GRM8: variants seen among roughly 807,000 people sequenced by gnomAD.
The protein encoded by GRM8 is metabotropic glutamate receptor 8.
In GRM8, 47 loss-of-function variants were observed where a neutral mutation model predicts 87.2. That is an observed-to-expected ratio of 0.54 (90% CI 0.43 to 0.69). GRM8 has a LOEUF of 0.69. Ranked by LOEUF, GRM8 falls within the 30% of genes least tolerant of loss-of-function variation. The probability of loss-of-function intolerance (pLI) is 0.00; values close to 1 mark genes in which losing one functional copy is unlikely to be tolerated. For missense variants in GRM8, 1,019 were observed against 1,139.2 expected, an observed-to-expected ratio of 0.89 and a Z score of 1.52; for synonymous variants, 396 against 404.5, an observed-to-expected ratio of 0.98 and a Z score of 0.25.
At chr7:126,528,013 G>A (rs1330477600) in intron 9 of GRM8, among the ~76,000 whole-genome samples, 2 of 152,144 alleles carry the variant, frequency 1.3e-5, no homozygotes, top group African/African-American at 4.8e-5. Flanking sequence ...AGACCATCCT[G>A]GCCAACATGG....
intron 3 of GRM8, among the ~76,000 whole-genome samples, chr7:127,009,764 T>C (rs550016062): frequency 1.8e-4 from 28 of 152,140 alleles, no homozygotes; most frequent in Non-Finnish European, 3.4e-4. Context: ...TGATCCAGTA[T>C]AGAAAGAAGT....
At chr7:127,020,391 A>G (rs1266727533) in intron 3 of GRM8, among the ~76,000 whole-genome samples, 2 of 151,954 alleles carry the variant, frequency 1.3e-5, no homozygotes, top group Non-Finnish European at 2.9e-5. Flanking sequence ...ACAGCTGTCC[A>G]TCTCCCTCAC....
chr7:126,598,520 T>A (rs1280146742), intron 8 of GRM8, among the ~76,000 whole-genome samples: 2 of 152,172 alleles, frequency 1.3e-5, no homozygotes, highest in Non-Finnish European at 2.9e-5. Context: ...TAACACCCTT[T>A]ATTCCTTCTT....
chr7:126,906,036 C>T (rs1802640355), intron 3 of GRM8, among the ~76,000 whole-genome samples: 1 of 152,148 alleles, frequency 6.6e-6, no homozygotes, highest in Non-Finnish European at 1.5e-5. Context: ...TATGTTAAAA[C>T]TTAATCCCCA....
intron 8 of GRM8, among the ~76,000 whole-genome samples, chr7:126,590,346 A>G (rs1222319561): frequency 6.6e-6 from 1 of 151,920 alleles, no homozygotes; most frequent in Non-Finnish European, 1.5e-5. Flanking sequence ...AAAAGAATTT[A>G]AAAAAATGAA....
chr7:126,728,779 G>C (rs1390665069), intron 7 of GRM8, among the ~76,000 whole-genome samples: 1 of 152,088 alleles, frequency 6.6e-6, no homozygotes, highest in African/African-American at 2.4e-5. Flanking sequence ...ATGGTCCAGG[G>C]GAGGCTTCCT....
rs143451938 is a variant in GRM8 at position 126,838,492 on chromosome 7, C to T, written c.1156+64050G>A. On this transcript the variant is annotated intron_variant, in intron 6 of 10. Transcript: ENST00000339582. ...AGACATTAAAGAAGTGATTCATAACCTTCCCCACCTACTATTCTTTATCAA... is the reference window on the plus strand; with the variant it reads ...AGACATTAAAGAAGTGATTCATAACTTTCCCCACCTACTATTCTTTATCAA... Among the ~76,000 whole-genome samples the T allele has an allele frequency of 1.1e-4, 17 of 152,312 alleles. No individual in the cohort carries two copies. The South Asian group carries it at 2.5e-3, about 22-fold the overall frequency.
chr7:127,096,681 G>C (rs912096894), intron 3 of GRM8, among the ~76,000 whole-genome samples: 2 of 151,996 alleles, frequency 1.3e-5, no homozygotes. Context: ...GAATAAATTG[G>C]GGCACAACAT....
At chr7:126,510,621 C>T (rs1003763280) in intron 9 of GRM8, among the ~76,000 whole-genome samples, 19 of 152,354 alleles carry the variant, frequency 1.2e-4, no homozygotes, top group Middle Eastern at 3.4e-3. Flanking sequence ...TTGATTGCCA[C>T]GTGGAAGAGG....
intron 8 of GRM8, among the ~76,000 whole-genome samples, chr7:126,589,309 C>T (rs772320530): frequency 1.3e-5 from 2 of 152,124 alleles, no homozygotes; most frequent in African/African-American, 4.8e-5. Flanking sequence ...TGAGACTGGC[C>T]TTTTGGATTG....
intron 7 of GRM8, among the ~76,000 whole-genome samples, chr7:126,660,824 A>AT (rs1446006546): frequency 1.3e-5 from 2 of 152,236 alleles, no homozygotes; most frequent in Non-Finnish European, 2.9e-5. Context: ...ACCTTTAAAT[A>AT]TTTTTTGGGA....
intron 3 of GRM8, among the ~76,000 whole-genome samples, chr7:127,015,001 A>AAGAAG (rs1265203751): frequency 2.7e-4 from 16 of 59,654 alleles, no homozygotes; most frequent in African/African-American, 8.4e-4. Flanking sequence ...GAAGAAGAAG[A>AAGAAG]AAGAAGAAGA....
At chr7:126,955,775 G>T (rs962857650) in intron 3 of GRM8, among the ~76,000 whole-genome samples, 1 of 152,048 alleles carries the variant, frequency 6.6e-6, no homozygotes, top group Non-Finnish European at 1.5e-5. Context: ...TTACAGTGCT[G>T]CTTAATTGTA....
At chr7:127,194,901 G>A (rs998427923) in intron 2 of GRM8, among the ~76,000 whole-genome samples, 3 of 152,166 alleles carry the variant, frequency 2.0e-5, no homozygotes, top group African/African-American at 7.2e-5. Flanking sequence ...ACAAACAGGT[G>A]TCTAAATCCC....
At chr7:126,478,024 T>A (rs893728031) in intron 9 of GRM8, among the ~76,000 whole-genome samples, 9 of 152,128 alleles carry the variant, frequency 5.9e-5, no homozygotes, top group Non-Finnish European at 1.3e-4. Context: ...TCTCTTCTAC[T>A]CTAAGGACAC....
chr7:127,086,544 C>T (rs1823523290), intron 3 of GRM8, among the ~76,000 whole-genome samples: 1 of 152,184 alleles, frequency 6.6e-6, no homozygotes, highest in South Asian at 2.1e-4. Flanking sequence ...TCTACATGCA[C>T]CTCCCCTTCC....
chr7:127,157,223 A>G (rs913477517), intron 2 of GRM8, among the ~76,000 whole-genome samples: 25 of 144,444 alleles, frequency 1.7e-4, no homozygotes, highest in Admixed American at 1.6e-3. Flanking sequence ...AGGAGAAAGA[A>G]AAAGAAAGAA....
At chr7:126,874,210 T>C (rs1799347428) in intron 6 of GRM8, among the ~76,000 whole-genome samples, 1 of 152,076 alleles carries the variant, frequency 6.6e-6, no homozygotes, top group African/African-American at 2.4e-5. Flanking sequence ...TAAATCATTT[T>C]GGATTAAATG....
At chr7:126,479,830 C>T (rs1402140106) in intron 9 of GRM8, among the ~76,000 whole-genome samples, 11 of 152,050 alleles carry the variant, frequency 7.2e-5, no homozygotes, top group African/African-American at 2.4e-4. Flanking sequence ...TGAGGAACTG[C>T]CAAATTGTCT....
Sources: allele counts gnomAD v4.1 joint callset (sites outside exome capture counted in the v4.1 genomes callset), GRCh38; gene constraint gnomAD v4.1.1; transcripts MANE v1.5; gene names NCBI Gene and HGNC (gene_info 2026-07-23, HGNC 2026-07-21).